ADGRV1: variants seen among roughly 807,000 people sequenced by gnomAD.
The protein encoded by ADGRV1 is G-protein coupled receptor 98.
In ADGRV1, 359 loss-of-function variants were observed where a neutral mutation model predicts 596.2. The ratio of observed to expected loss-of-function variants is 0.60; its 90% CI spans 0.55 to 0.66. The LOEUF is 0.66. ADGRV1 is among the 30% of genes least tolerant of loss of function. The pLI is 0.00. For synonymous variants in ADGRV1, 2,681 were observed against 2,679.2 expected, an observed-to-expected ratio of 1.00 and a Z score of -0.02; for missense variants, 7,274 against 7,575.6, an observed-to-expected ratio of 0.96 and a Z score of 1.48.
intron 86 of ADGRV1, among the ~76,000 whole-genome samples, chr5:91,073,998 G>A (rs1430155673): frequency 1.3e-5 from 2 of 152,140 alleles, no homozygotes; most frequent in Admixed American, 6.5e-5. Context: ...ACGCCCAGCC[G>A]AGGAATATTG....
chr5:90,733,202 A>G (rs1752774155), intron 50 of ADGRV1, among the ~76,000 whole-genome samples: 1 of 152,198 alleles, frequency 6.6e-6, no homozygotes, highest in Non-Finnish European at 1.5e-5. Flanking sequence ...TGTCTGTTCA[A>G]ATGTGGGGAG....
chr5:90,986,111 C>CATATAT (rs372775378), intron 85 of ADGRV1, among the ~76,000 whole-genome samples: 4 of 136,162 alleles, frequency 2.9e-5, no homozygotes, highest in African/African-American at 1.0e-4. Flanking sequence ...ATATATTATG[C>CATATAT]ATATATATAT....
Position 90,725,613 on chromosome 5 carries a change from A to G in ADGRV1, c.10118A>G (p.Tyr3373Cys). ...TATTTTACTTCAGACAGCCAAGATT[A>G]TTTAATCATTGCAAGTCAAAGAGAT... ...VRYFTSDSQD[Y>C]LIIASQRDDS... The change falls in exon 48 of 90, where the codon TAT (tyrosine) becomes TGT (cysteine). Residue 3373 changes from tyrosine to cysteine, a missense_variant. Transcript: ENST00000405460. 6.3e-7 allele frequency: 1 copy of G among 1,587,552 alleles called. No individual in the cohort carries two copies. Among genetic ancestry groups the G allele is most frequent in the Admixed American group, 1.7e-5 (1 of 59,686 alleles).
intron 70 of ADGRV1, among the ~76,000 whole-genome samples, chr5:90,797,303 A>AG (rs1185157599): frequency 6.7e-6 from 1 of 149,444 alleles, no homozygotes; most frequent in Non-Finnish European, 1.5e-5. Context: ...AAAAAAAAAA[A>AG]AAAAAAAAGC....
In ADGRV1 at chr5:90,810,495, A is replaced by G. The variant is rs754828490; in HGVS notation, c.15235A>G (p.Ile5079Val). 1.2e-6 allele frequency: 2 copies of G among 1,613,962 alleles called. No homozygotes were observed. The highest frequency in any genetic ancestry group is 2.2e-5 in the South Asian group (2 of 91,080). Residue 5079 changes from isoleucine to valine, a missense_variant, in exon 74 of 90, where the codon ATT becomes GTT. Around this residue, in one of 5 missense-constraint regions of ADGRV1, gnomAD observed 1,874 missense variants for 1,970.2 expected, o/e 0.95. Transcript: ENST00000405460. ...QTEVDFEITIINDQLSEIEEF... is the reference protein window; with the variant it reads ...QTEVDFEITIVNDQLSEIEEF... Reference sequence around the variant, plus strand: ...TGAGGTTGATTTTGAAATAACCATTATTAATGATCAGCTTTCTGAGATAGA... The same window carrying G: ...TGAGGTTGATTTTGAAATAACCATTGTTAATGATCAGCTTTCTGAGATAGA...
At chr5:91,088,790 C>T (rs1790120312) in intron 86 of ADGRV1, among the ~76,000 whole-genome samples, 1 of 151,922 alleles carries the variant, frequency 6.6e-6, no homozygotes, top group Non-Finnish European at 1.5e-5. Context: ...GAAAAAAAAT[C>T]CTAGAATTAA....
At chr5:90,832,003 A>C (rs546421682) in intron 77 of ADGRV1, among the ~76,000 whole-genome samples, 1 of 152,152 alleles carries the variant, frequency 6.6e-6, no homozygotes, top group African/African-American at 2.4e-5. Context: ...GTTGGTTCCA[A>C]ATCTTGACTG....
At chr5:90,728,367 T>C (rs1226179387) in intron 48 of ADGRV1, among the ~76,000 whole-genome samples, 2 of 152,224 alleles carry the variant, frequency 1.3e-5, no homozygotes, top group Non-Finnish European at 2.9e-5. Flanking sequence ...CTTTCCCTGC[T>C]GTCAACAACC....
chr5:90,723,361 A>G (rs1038888173), intron 45 of ADGRV1, among the ~76,000 whole-genome samples: 9 of 152,174 alleles, frequency 5.9e-5, no homozygotes, highest in African/African-American at 2.2e-4. Context: ...AAAAGGAGAT[A>G]ATTAATAGTG....
intron 50 of ADGRV1, among the ~76,000 whole-genome samples, chr5:90,739,359 TA>T (rs995526585): frequency 6.6e-6 from 1 of 152,008 alleles, no homozygotes; most frequent in Non-Finnish European, 1.5e-5. Context: ...TTCCCTGATT[TA>T]AAAAAAATCC....
At chr5:90,568,608 T>C (rs1437300312) in intron 1 of ADGRV1, among the ~76,000 whole-genome samples, 1 of 152,220 alleles carries the variant, frequency 6.6e-6, no homozygotes. Flanking sequence ...AAGTGTTCTA[T>C]AGATGTGTAT....
chr5:90,846,795 T>G (rs1266517755), intron 78 of ADGRV1, among the ~76,000 whole-genome samples: 1 of 152,216 alleles, frequency 6.6e-6, no homozygotes, highest in African/African-American at 2.4e-5. Context: ...CCTGCTTTTA[T>G]TCTCTTATCT....
chr5:91,137,207 TC>T (rs1489785748), intron 87 of ADGRV1, among the ~76,000 whole-genome samples: 1 of 152,104 alleles, frequency 6.6e-6, no homozygotes, highest in African/African-American at 2.4e-5. Context: ...TGCCTCAGCC[TC>T]CCAAAGTACT....
At chr5:90,851,994 C>G (rs1365531961) in intron 79 of ADGRV1, among the ~76,000 whole-genome samples, 2 of 152,036 alleles carry the variant, frequency 1.3e-5, no homozygotes, top group Non-Finnish European at 2.9e-5. Context: ...GCAGTGACAC[C>G]TTTTAGGCTG....
intron 1 of ADGRV1, among the ~76,000 whole-genome samples, chr5:90,611,046 A>C (rs17541912): frequency 0.072 from 10,738 of 148,182 alleles, 448 homozygotes; most frequent in Non-Finnish European, 0.094. Flanking sequence ...TGAATGGCCA[A>C]CCCTATGACT....
At chr5:90,629,137 C>T (rs754400920) in intron 8 of ADGRV1, 73 bp from the exon 9 acceptor site, 1 of 773,046 alleles carries the variant, frequency 1.3e-6, no homozygotes, top group Non-Finnish European at 1.9e-6. Context: ...ATTAGAATAA[C>T]ATGGAAAATA....
chr5:90,803,950 T>TGG (rs1184361772), intron 71 of ADGRV1, among the ~76,000 whole-genome samples: 107 of 152,330 alleles, frequency 7.0e-4, no homozygotes, highest in African/African-American at 1.9e-3. Flanking sequence ...TCATGGTACA[T>TGG]TCACATCTTT....
At chr5:90,563,788 G>A (rs1377683810) in intron 1 of ADGRV1, among the ~76,000 whole-genome samples, 2 of 152,220 alleles carry the variant, frequency 1.3e-5, no homozygotes, top group Non-Finnish European at 2.9e-5. Context: ...TAAAGGTTTT[G>A]TACTGTGTGC....
At chr5:90,980,019 T>C (rs1779957653) in intron 84 of ADGRV1, among the ~76,000 whole-genome samples, 2 of 152,218 alleles carry the variant, frequency 1.3e-5, no homozygotes, top group Non-Finnish European at 2.9e-5. Context: ...GTGTTTGTAA[T>C]AGGAAATTTT....
Sources: gnomAD v4.1 joint callset for allele counts (sites outside exome capture counted in the v4.1 genomes callset) on GRCh38, gnomAD v4.1.1 for gene constraint, gnomAD v4.1.1 regional missense constraint, MANE v1.5 for transcripts, NCBI Gene and HGNC (gene_info 2026-07-23, HGNC 2026-07-21) for gene names.